The following TBCK variants were observed in gnomAD, a reference collection of about 807,000 sequenced individuals.
The protein encoded by TBCK is TBC1 domain containing kinase.
Under a neutral mutation model 113.4 loss-of-function variants are expected in TBCK, and 99 were observed. That is an observed-to-expected ratio of 0.87 (90% confidence interval 0.74 to 1.03). The LOEUF is 1.03. Among genes scored for constraint, TBCK ranks in the 50% least tolerant of loss-of-function variants. The pLI, the probability that TBCK is intolerant of heterozygous loss-of-function variation, is 0.00. For synonymous variants in TBCK, 369 were observed against 370.8 expected (o/e 1.00, Z 0.05); for missense variants, 1,045 against 1,061.3 (o/e 0.98, Z 0.21).
intron 12 of TBCK, chr4:106,238,472 C>T (rs1277534693): frequency 6.6e-6 from 1 of 151,946 alleles, no homozygotes; most frequent in Admixed American, 6.6e-5. Flanking sequence ...GAGATTTAGA[C>T]CATAATGGGA....
intron 3 of TBCK, among the ~76,000 whole-genome samples, chr4:106,282,797 A>C (rs1764738276): frequency 6.6e-6 from 1 of 152,120 alleles, no homozygotes; most frequent in Admixed American, 6.6e-5. Context: ...TGGCAGAGGG[A>C]ATCTCTTCAC....
chr4:106,089,935 C>T (rs1219041770), intron 25 of TBCK, among the ~76,000 whole-genome samples: 2 of 152,244 alleles, frequency 1.3e-5, no homozygotes, highest in African/African-American at 4.8e-5. Context: ...CGGTTGCAAG[C>T]TTCCAATGGC....
At chr4:106,316,575 C>G, upstream of TBCK, 1 of 1,551,572 alleles carries the variant, frequency 6.4e-7, no homozygotes, top group Non-Finnish European at 8.7e-7. Flanking sequence ...TGTCTCGGAA[C>G]CCGTGGTCCT....
chr4:106,116,292 G>T lies in TBCK; in HGVS notation c.2322C>A (p.Leu774=). The part of the protein sequence containing the change: ...SAEDLIDLCE[L]TVTGHFKTPS... ...GTGTTTTGAAGTGGCCTGTCACTGT[G>T]AGCTCACACAAGTCAATCAGGTCCT... is the stretch of plus-strand genomic sequence containing the variant. Residue 774 remains leucine, a synonymous_variant, in exon 24 of 26, where the codon CTC becomes CTA. Coordinates refer to ENST00000394708, the MANE Select transcript of TBCK (RefSeq NM_001163435.3). 6.2e-7 allele frequency: 1 copy of T among 1,613,622 alleles called. No homozygotes were observed. The highest frequency in any genetic ancestry group is 8.5e-7 in the Non-Finnish European group (1 of 1,179,968).
intron 20 of TBCK, among the ~76,000 whole-genome samples, chr4:106,195,482 A>G (rs1754109591): frequency 4.9e-4 from 1 of 2,060 alleles, no homozygotes; most frequent in African/African-American, 3.9e-3. Flanking sequence ...ATCTGGTTAA[A>G]TGTGTGTGTT....
At chr4:106,262,307 G>C in intron 3 of TBCK, 95 bp from the exon 4 acceptor site, 1 of 605,176 alleles carries the variant, frequency 1.7e-6, no homozygotes, top group Non-Finnish European at 2.8e-6. Flanking sequence ...TATTCAAAAA[G>C]TTATATTTTT....
chr4:106,201,876 A>G (rs919297236), intron 20 of TBCK, among the ~76,000 whole-genome samples: 6 of 152,072 alleles, frequency 3.9e-5, no homozygotes, highest in Non-Finnish European at 7.4e-5. Context: ...CCTTCTCTGT[A>G]ATACATATTG....
intron 3 of TBCK, among the ~76,000 whole-genome samples, chr4:106,293,505 G>A (rs996539611): frequency 2.0e-5 from 3 of 152,024 alleles, no homozygotes; most frequent in Admixed American, 1.3e-4. Context: ...TAAATGTAAT[G>A]CGCTTGTATC....
intron 22 of TBCK, among the ~76,000 whole-genome samples, chr4:106,172,087 C>T (rs1408990202): frequency 6.6e-6 from 1 of 152,092 alleles, no homozygotes; most frequent in Non-Finnish European, 1.5e-5. Context: ...CTGCCTCGGC[C>T]TCCCAAAATT....
rs920042352 is a variant in TBCK, at chr4:106,045,747, G to C, written c.*823C>G. ...TCCTTCCCTCATTCTCTTCCTTCTA[G>C]ATAGCAGATGTGATGGTAGAAGCTG... is the stretch of plus-strand genomic sequence containing the variant. On this transcript the variant is annotated 3_prime_UTR_variant, in exon 26 of 26. Transcript: ENST00000394708. The C allele has an allele frequency of 2.6e-5, 4 of 151,516 alleles. No homozygotes were observed. In the East Asian group the frequency reaches 5.9e-4, roughly 22 times the overall value. The allele number at this position is 151,516 out of a possible 1,614,324, so 9.4% of individuals were successfully genotyped here. A position where few individuals can be genotyped will look rare whatever the true frequency, so the allele number is the denominator to read the frequency against.
At chr4:106,261,511 A>G (rs1762504002) in intron 4 of TBCK, among the ~76,000 whole-genome samples, 1 of 152,148 alleles carries the variant, frequency 6.6e-6, no homozygotes. Context: ...TATTTTATGA[A>G]AAGGAATCAA....
At chr4:106,052,836 A>G (rs1008446918) in intron 25 of TBCK, among the ~76,000 whole-genome samples, 1 of 151,706 alleles carries the variant, frequency 6.6e-6, no homozygotes, top group Non-Finnish European at 1.5e-5. Flanking sequence ...AACAATTGTA[A>G]CTTGTAGCTA....
At chr4:106,120,274 G>A (rs111540390) in intron 23 of TBCK, among the ~76,000 whole-genome samples, 4,939 of 152,162 alleles carry the variant, frequency 0.032, 253 homozygotes, top group African/African-American at 0.11. Flanking sequence ...AAAAAACGGC[G>A]CACCACGAGA....
At chr4:106,272,147 GT>G (rs1417065879) in intron 3 of TBCK, among the ~76,000 whole-genome samples, 1 of 152,046 alleles carries the variant, frequency 6.6e-6, no homozygotes, top group Non-Finnish European at 1.5e-5. Flanking sequence ...ACAGAACAAA[GT>G]TTAAACCCCT....
rs1213337266 is a variant in TBCK, at chr4:106,043,220, A to G, written c.*3350T>C. The G allele has an allele frequency of 2.6e-5, 4 of 152,118 alleles. No homozygotes were observed. In the East Asian group the frequency reaches 7.7e-4, roughly 29 times the overall value. The allele number at this position is 152,118 out of a possible 1,614,324, so 9.4% of individuals were successfully genotyped here. A position where few individuals can be genotyped will look rare whatever the true frequency, so the allele number is the denominator to read the frequency against. On this transcript the variant is annotated 3_prime_UTR_variant, in exon 26 of 26. Transcript: ENST00000394708. ...AATCTAACATTTCTGTATTTTGAAA[A>G]GAGGATGCAACTAGATTAAATTACC...
chr4:106,173,566 A>T (rs1211995400), intron 22 of TBCK, among the ~76,000 whole-genome samples: 1 of 152,110 alleles, frequency 6.6e-6, no homozygotes, highest in Non-Finnish European at 1.5e-5. Flanking sequence ...TCCTTCAATC[A>T]CTGGCATTGG....
intron 23 of TBCK, among the ~76,000 whole-genome samples, chr4:106,121,856 C>G (rs1298307809): frequency 6.6e-6 from 1 of 152,018 alleles, no homozygotes; most frequent in East Asian, 1.9e-4. Flanking sequence ...ACCAGAATCT[C>G]TGGGACACAT....
At chr4:106,098,994 A>T (rs1169231399) in intron 24 of TBCK, among the ~76,000 whole-genome samples, 2 of 152,158 alleles carry the variant, frequency 1.3e-5, no homozygotes, top group African/African-American at 4.8e-5. Flanking sequence ...GGATTATCAG[A>T]ATAGCATTAA....
intron 22 of TBCK, among the ~76,000 whole-genome samples, chr4:106,188,385 G>T (rs979898807): frequency 1.3e-5 from 2 of 152,108 alleles, no homozygotes; most frequent in African/African-American, 2.4e-5. Flanking sequence ...AGTGAAAAAT[G>T]CTCTATATAT....
Sources: gnomAD v4.1 joint callset for allele counts (sites outside exome capture counted in the v4.1 genomes callset) on GRCh38, gnomAD v4.1.1 for gene constraint, MANE v1.5 for transcripts, NCBI Gene and HGNC (gene_info 2026-07-23, HGNC 2026-07-21) for gene names.